The following SEC13 variants were observed in gnomAD, a reference collection of about 807,000 sequenced individuals.
SEC13 encodes the protein SEC13 homolog, nuclear pore and COPII component.
SEC13 carries 25 observed loss-of-function variants against 49.2 expected under a neutral mutation model. That is an observed-to-expected ratio of 0.51 (90% CI 0.37 to 0.71). The LOEUF (loss-of-function observed/expected upper bound fraction) is 0.71, where lower values mean the gene tolerates loss of function less well. Ranked by LOEUF, SEC13 falls within the 30% of genes least tolerant of loss-of-function variation. The pLI is 0.00. For missense variants in SEC13, 383 were observed against 417.6 expected (o/e 0.92, Z 0.72); for synonymous variants, 148 against 163.9 (o/e 0.90, Z 0.74).
At chr3:10,303,956 T>G (rs1368148358) in intron 8 of SEC13, 70 bp downstream of exon 8, 1 of 1,546,728 alleles carries the variant, frequency 6.5e-7, no homozygotes, top group African/African-American at 1.4e-5. Context: ...GAATGTCAAG[T>G]GCCCTCTCTA....
At chr3:10,308,933 A>ATTTTTTTTT (rs56801249) in intron 5 of SEC13, among the ~76,000 whole-genome samples, 1 of 102,364 alleles carries the variant, frequency 9.8e-6, no homozygotes, top group African/African-American at 4.1e-5. Context: ...CCTGGCCTTG[A>ATTTTTTTTT]TTTTTTTTTT....
intron 5 of SEC13, among the ~76,000 whole-genome samples, chr3:10,311,268 G>C (rs944212009): frequency 2.6e-5 from 4 of 152,206 alleles, no homozygotes; most frequent in African/African-American, 9.7e-5. Flanking sequence ...GCCCTAAGCT[G>C]CCAGGACAGG....
intron 1 of SEC13, 131 bp downstream of exon 1, chr3:10,320,919 C>G: frequency 1.3e-6 from 2 of 1,499,988 alleles, no homozygotes; most frequent in East Asian, 2.6e-5. Context: ...CAGAGCCCCC[C>G]AAATCTCTAA....
Position 10,321,072 on chromosome 3 carries a change from C to T in SEC13, c.-20G>A, listed in dbSNP as rs1331365983. ...CACCATGATTGCGGCGGTGGCTGCT[C>T]CAGGTCTCGGACGTGGCAGCTCCCG... On this transcript the variant is annotated 5_prime_UTR_variant, in exon 1 of 9. Coordinates refer to ENST00000350697, the MANE Select transcript of SEC13 (RefSeq NM_183352.3). The surrounding 1 kb of genome is among the most constrained non-coding windows in gnomAD (Gnocchi z 4.1). 6.2e-7 allele frequency: 1 copy of T among 1,612,962 alleles called. No individual in the cohort carries two copies. Among genetic ancestry groups the T allele is most frequent in the East Asian group, 2.2e-5 (1 of 44,808 alleles).
intron 7 of SEC13, 146 bp from the exon 8 acceptor site, chr3:10,304,318 C>T (rs1210150557): frequency 2.8e-6 from 2 of 708,972 alleles, no homozygotes; most frequent in East Asian, 5.4e-5. Flanking sequence ...TCTGGGGCGT[C>T]CACAGCTTTG....
chr3:10,310,911 T>C (rs1157702916), intron 5 of SEC13, among the ~76,000 whole-genome samples: 1 of 152,126 alleles, frequency 6.6e-6, no homozygotes, highest in Admixed American at 6.5e-5. Context: ...CGCTATGATA[T>C]GGATGAAACT....
intron 3 of SEC13, chr3:10,313,456 A>G (rs932049059): frequency 3.8e-6 from 2 of 530,612 alleles, no homozygotes; most frequent in South Asian, 1.4e-5. Flanking sequence ...GGAGACATCA[A>G]TAAGAATTCT....
chr3:10,319,437 G>T (rs1280010853), intron 1 of SEC13: 4 of 588,860 alleles, frequency 6.8e-6, no homozygotes, highest in Non-Finnish European at 8.4e-6. Flanking sequence ...AGAGACCTGC[G>T]ACAGACTAAG....
rs186949952 is a variant in SEC13 at position 10,305,425 on chromosome 3, T to C, written c.584+134A>G. ...TTTTTCAAGGATGTCCTCCAACAGA[T>C]TGAAAACAGTATTTTACTGGCAGGA... is the stretch of plus-strand genomic sequence containing the variant. On this transcript the variant is annotated intron_variant, in intron 6 of 8. Coordinates refer to ENST00000350697, the MANE Select transcript of SEC13 (RefSeq NM_183352.3). 7.3e-4 allele frequency: 885 copies of C among 1,216,744 alleles called. 16 individuals are homozygous for C. In the Admixed American group the frequency reaches 0.017, roughly 23 times the overall value. The allele number at this position is 1,216,744 out of a possible 1,614,324, so 75.4% of individuals were successfully genotyped here.
At chr3:10,308,829 A>G (rs1207242720) in intron 5 of SEC13, among the ~76,000 whole-genome samples, 2 of 130,526 alleles carry the variant, frequency 1.5e-5, no homozygotes, top group Non-Finnish European at 3.1e-5. Flanking sequence ...ACGGGGTCTC[A>G]CTATGTTGGC....
At chr3:10,313,003 C>G (rs549253558) in intron 3 of SEC13, 2 of 405,622 alleles carry the variant, frequency 4.9e-6, no homozygotes, top group Admixed American at 7.7e-5. Flanking sequence ...AGGAGCCTCA[C>G]TTGCCCAGAC....
At chr3:10,319,781 AG>A (rs2059733250) in intron 1 of SEC13, among the ~76,000 whole-genome samples, 1 of 40,706 alleles carries the variant, frequency 2.5e-5, no homozygotes, top group Non-Finnish European at 4.1e-5. Context: ...AGAGAGAGAG[AG>A]AGAGAGAGAG....
intron 2 of SEC13, among the ~76,000 whole-genome samples, chr3:10,316,421 CT>C (rs1451127425): frequency 3.9e-5 from 6 of 152,238 alleles, no homozygotes; most frequent in Non-Finnish European, 7.4e-5. Context: ...CCTGATTTTT[CT>C]TTGGGAACTC....
chr3:10,313,503 G>C (rs1208387979), intron 3 of SEC13: 2 of 510,070 alleles, frequency 3.9e-6, no homozygotes, highest in Non-Finnish European at 4.1e-6. Flanking sequence ...TAGAAGGAAA[G>C]AAAAAAGCCA....
intron 7 of SEC13, 67 bp downstream of exon 7, chr3:10,304,966 G>C (rs1700773916): frequency 5.6e-6 from 9 of 1,609,632 alleles, no homozygotes; most frequent in Non-Finnish European, 6.8e-6. Flanking sequence ...TTCTGCTAAG[G>C]AGACTAAGAG....
In SEC13 at chr3:10,320,274, C is replaced by A. The variant is rs1177651343; in HGVS notation, c.3+776G>T. On this transcript the variant is annotated intron_variant, in intron 1 of 8. Coordinates refer to ENST00000350697, the MANE Select transcript of SEC13 (RefSeq NM_183352.3). ...TGATTTCTAGGTTCCTGCAGGTTCC[C>A]TCAAACCTGCTGCTGAGACACACCC... is the stretch of plus-strand genomic sequence containing the variant. Among the ~76,000 whole-genome samples, 4 of 152,170 alleles carry A rather than the reference C, an allele frequency of 2.6e-5. 1 individual carries two copies. The highest frequency in any genetic ancestry group is 7.2e-5 in the African/African-American group (3 of 41,438).
chr3:10,321,092 C>T lies in SEC13; in HGVS notation c.-40G>A. The T allele has an allele frequency of 6.2e-7, 1 of 1,612,336 alleles. No individual in the cohort carries two copies. The highest frequency in any genetic ancestry group is 1.1e-5 in the South Asian group (1 of 90,728). ...CTGCTCCAGGTCTCGGACGTGGCAGCTCCCGGCGGCGCCTCGGAACAGCTC... is the reference window on the plus strand; with the variant it reads ...CTGCTCCAGGTCTCGGACGTGGCAGTTCCCGGCGGCGCCTCGGAACAGCTC... On this transcript the variant is annotated 5_prime_UTR_variant, in exon 1 of 9. Transcript: ENST00000350697. The surrounding 1 kb of genome is among the most constrained non-coding windows in gnomAD (Gnocchi z 4.1).
intron 6 of SEC13, 39 bp downstream of exon 6, chr3:10,305,520 A>G (rs778407856): frequency 6.2e-7 from 1 of 1,608,922 alleles, no homozygotes; most frequent in Admixed American, 1.7e-5. Flanking sequence ...AAAGGGTAGA[A>G]GTGTCCCCTC....
In SEC13 at chr3:10,305,125, GCTCCTCCTTCCACTGGCCGTC is replaced by G. The variant is rs1257615659; in HGVS notation, c.595_615del (p.Asp199_Glu205del). On this transcript the variant is annotated inframe_deletion, in exon 7 of 9. Coordinates refer to ENST00000350697, the MANE Select transcript of SEC13 (RefSeq NM_183352.3). ...CAGTCACTGTGCGCTTCTAGCTTCT[GCTCCTCCTTCCACTGGCCGTC>G]CTCCTCCTCCCTAACAGTGGGGACA... 7.4e-6 allele frequency: 12 copies of G among 1,613,662 alleles called. No homozygotes were observed. In the Admixed American group the frequency reaches 2.0e-4, roughly 27 times the overall value.
Sources: gnomAD v4.1 joint callset for allele counts (sites outside exome capture counted in the v4.1 genomes callset) on GRCh38, gnomAD v4.1.1 for gene constraint, Gnocchi (gnomAD v3.1) non-coding constraint, MANE v1.5 for transcripts, NCBI Gene and HGNC (gene_info 2026-07-23, HGNC 2026-07-21) for gene names.